The following DGKI variants were observed in gnomAD, a reference collection of about 807,000 sequenced individuals.
The protein encoded by DGKI is DAG kinase iota.
DGKI carries 55 observed loss-of-function variants against 147.5 expected under a neutral mutation model. The ratio of observed to expected loss-of-function variants is 0.37; its 90% CI spans 0.30 to 0.47. DGKI has a LOEUF of 0.47. DGKI is among the 20% of genes least tolerant of loss of function. The pLI, the probability that DGKI is intolerant of heterozygous loss-of-function variation, is 1.00. For synonymous variants in DGKI, 469 were observed against 477.1 expected (o/e 0.98, Z 0.22); for missense variants, 1,007 against 1,323.8 (o/e 0.76, Z 3.71).
chr7:137,490,172 T>G (rs1349118089), intron 21 of DGKI, among the ~76,000 whole-genome samples: 1 of 152,168 alleles, frequency 6.6e-6, no homozygotes, highest in Admixed American at 6.5e-5. Context: ...ACTGTCAAAT[T>G]TATTCCAAGA....
In DGKI at chr7:137,544,224, G is replaced by A. The variant is rs112722862; in HGVS notation, c.2147+8145C>T. ...CCAACTTAACCCATAATAGAAACAA[G>A]ATGACTATCATATGCATTTCTGCTG... On this transcript the variant is annotated intron_variant, in intron 20 of 32. Coordinates refer to ENST00000614521, the MANE Select transcript of DGKI (RefSeq NM_001321708.2). Among the ~76,000 whole-genome samples the A allele has an allele frequency of 1.2e-4, 18 of 152,144 alleles. 2 individuals carry two copies. The highest frequency in any genetic ancestry group is 4.1e-4 in the African/African-American group (17 of 41,514).
intron 1 of DGKI, among the ~76,000 whole-genome samples, chr7:137,828,467 G>T (rs1283835736): frequency 6.6e-6 from 1 of 152,008 alleles, no homozygotes; most frequent in African/African-American, 2.4e-5. Flanking sequence ...TCAATACCAA[G>T]ACTTGAAAGA....
At position 137,534,697 on chromosome 7, in the gene DGKI, T is replaced by C. The variant is rs375980113; in HGVS notation, c.2148-12731A>G. Among the ~76,000 whole-genome samples, 42 of 152,158 alleles carry C rather than the reference T, an allele frequency of 2.8e-4. No individual in the cohort carries two copies. In the East Asian group the frequency reaches 7.1e-3, roughly 26 times the overall value. The stretch of plus-strand genomic sequence containing the variant: ...AACTAAAATATTTATATAAATAATA[T>C]ACACAAAGTTTAGTCTTCAGAGGGT... On this transcript the variant is annotated intron_variant, in intron 20 of 32. Coordinates refer to ENST00000614521, the MANE Select transcript of DGKI (RefSeq NM_001321708.2).
chr7:137,462,609 G>C (rs1814489276), intron 27 of DGKI, among the ~76,000 whole-genome samples: 1 of 152,076 alleles, frequency 6.6e-6, no homozygotes, highest in Admixed American at 6.6e-5. Context: ...TGCCTCTTTA[G>C]TTAACCCTAG....
At chr7:137,786,678 A>T (rs1585491220) in intron 1 of DGKI, among the ~76,000 whole-genome samples, 1 of 42,778 alleles carries the variant, frequency 2.3e-5, no homozygotes, top group African/African-American at 4.5e-5. Context: ...CTAAGCAAAG[A>T]AAAAAAAAAA....
intron 12 of DGKI, among the ~76,000 whole-genome samples, chr7:137,591,303 A>C (rs998636057): frequency 2.6e-5 from 4 of 152,226 alleles, no homozygotes. Context: ...TGTCTCCTGA[A>C]TATAAGCAGA....
chr7:137,721,845 T>C, intron 1 of DGKI: 2 of 599,742 alleles, frequency 3.3e-6, no homozygotes, highest in East Asian at 2.8e-5. Context: ...CTGGCAATGA[T>C]CTGGCCCTTG....
At chr7:137,441,420 C>CCA (rs1813502300) in intron 28 of DGKI, among the ~76,000 whole-genome samples, 1 of 67,554 alleles carries the variant, frequency 1.5e-5, no homozygotes, top group Non-Finnish European at 3.0e-5. Flanking sequence ...GACTCCGTCT[C>CCA]AAAAAAAAAA....
intron 3 of DGKI, among the ~76,000 whole-genome samples, chr7:137,671,252 T>C (rs771563806): frequency 6.6e-6 from 1 of 152,202 alleles, no homozygotes; most frequent in Non-Finnish European, 1.5e-5. Context: ...GATACCCCGT[T>C]ACAGACAATG....
At chr7:137,437,362 T>C (rs1813324559) in intron 28 of DGKI, among the ~76,000 whole-genome samples, 1 of 152,152 alleles carries the variant, frequency 6.6e-6, no homozygotes, top group Non-Finnish European at 1.5e-5. Context: ...CAGCAAAGAC[T>C]ACTTAGAAAA....
chr7:137,510,923 GC>G (rs1360867340), intron 21 of DGKI, among the ~76,000 whole-genome samples: 2 of 152,208 alleles, frequency 1.3e-5, no homozygotes, highest in African/African-American at 4.8e-5. Context: ...ATCCCTAGCA[GC>G]TGACAGCCTG....
intron 6 of DGKI, among the ~76,000 whole-genome samples, chr7:137,644,765 C>A (rs936612999): frequency 6.6e-6 from 1 of 152,118 alleles, no homozygotes; most frequent in Admixed American, 6.5e-5. Flanking sequence ...TATTCGCCAC[C>A]AGTTTAACCC....
At chr7:137,697,432 G>A (rs557485169) in intron 1 of DGKI, among the ~76,000 whole-genome samples, 10 of 152,250 alleles carry the variant, frequency 6.6e-5, no homozygotes, top group African/African-American at 2.4e-4. Flanking sequence ...AAGTAGAGAA[G>A]ACAAATGCAA....
At chr7:137,717,254 A>G (rs779648015) in intron 1 of DGKI, among the ~76,000 whole-genome samples, 12 of 152,156 alleles carry the variant, frequency 7.9e-5, no homozygotes, top group South Asian at 2.1e-4. Context: ...GGGAGGGCCC[A>G]TTATTTAGTC....
At chr7:137,820,429 A>T (rs533367373) in intron 1 of DGKI, among the ~76,000 whole-genome samples, 12 of 152,346 alleles carry the variant, frequency 7.9e-5, no homozygotes, top group Admixed American at 3.9e-4. Context: ...AGACCCTTGC[A>T]GATGAAAATG....
At chr7:137,660,882 G>A (rs576197493) in intron 3 of DGKI, among the ~76,000 whole-genome samples, 1 of 151,984 alleles carries the variant, frequency 6.6e-6, no homozygotes, top group Admixed American at 6.6e-5. Flanking sequence ...GGAGAGGGGA[G>A]GAAAGGAGAA....
intron 8 of DGKI, 133 bp from the exon 9 acceptor site, chr7:137,609,742 C>A: frequency 1.6e-6 from 1 of 641,946 alleles, no homozygotes; most frequent in Non-Finnish European, 2.7e-6. Context: ...CACTTCCAAG[C>A]CACTGTTCAT....
chr7:137,638,600 A>G lies in DGKI; in HGVS notation c.804+6872T>C, dbSNP rs1205970162. 2.3e-3 allele frequency among the ~76,000 whole-genome samples: 30 copies of G among 13,076 alleles called. 1 individual carries two copies. Among genetic ancestry groups the G allele is most frequent in the South Asian group, 6.2e-3 (2 of 324 alleles). The allele number at this position is 13,076 out of a possible 152,430, so 8.6% of individuals were successfully genotyped here. ...TGTATATATACACATATATACATATATGTATATATATACACACACACATAT... is the reference window on the plus strand; with the variant it reads ...TGTATATATACACATATATACATATGTGTATATATATACACACACACATAT... On this transcript the variant is annotated intron_variant, in intron 6 of 32. Coordinates refer to ENST00000614521, the MANE Select transcript of DGKI (RefSeq NM_001321708.2).
intron 27 of DGKI, among the ~76,000 whole-genome samples, chr7:137,453,347 G>A (rs962567087): frequency 2.0e-5 from 3 of 152,100 alleles, no homozygotes; most frequent in African/African-American, 4.8e-5. Context: ...ATGAGACCAT[G>A]GATCTGTGTG....
Sources: gnomAD v4.1 joint callset for allele counts (sites outside exome capture counted in the v4.1 genomes callset) on GRCh38, gnomAD v4.1.1 for gene constraint, MANE v1.5 for transcripts, NCBI Gene and HGNC (gene_info 2026-07-23, HGNC 2026-07-21) for gene names.